TRIM16: variants seen among roughly 807,000 people sequenced by gnomAD.
The protein encoded by TRIM16 is tripartite motif-containing protein 16.
Under a neutral mutation model 50.4 loss-of-function variants are expected in TRIM16, and 33 were observed. The observed-to-expected ratio is 0.65, with a 90% CI of 0.50 to 0.88. The LOEUF (loss-of-function observed/expected upper bound fraction) is 0.88, where lower values mean the gene tolerates loss of function less well. Ranked by LOEUF, TRIM16 falls within the 40% of genes least tolerant of loss-of-function variation. TRIM16 has a pLI of 0.00. For synonymous variants in TRIM16, 229 were observed against 270.7 expected (o/e 0.85, Z 1.51); for missense variants, 581 against 686.8 (o/e 0.85, Z 1.72).
At chr17:15,680,634 A>G (rs1989147558) in intron 4 of TRIM16, among the ~76,000 whole-genome samples, 1 of 152,078 alleles carries the variant, frequency 6.6e-6, no homozygotes, top group Admixed American at 6.6e-5. Flanking sequence ...CCTGACCTTC[A>G]CTGCTACTGC....
chr17:15,637,280 C>T (rs1181239742), intron 8 of TRIM16, among the ~76,000 whole-genome samples: 7 of 111,896 alleles, frequency 6.3e-5, no homozygotes, highest in Admixed American at 8.3e-5. Context: ...CGCCTCTGCC[C>T]GGCCGCCCCT....
At position 15,643,719 on chromosome 17, in the gene TRIM16, AT is replaced by A. The variant is rs550224449; in HGVS notation, c.520-904del. Among the ~76,000 whole-genome samples, 61 of 152,242 alleles carry A rather than the reference AT, an allele frequency of 4.0e-4. 1 individual carries two copies. The highest frequency in any genetic ancestry group is 3.5e-3 in the Admixed American group (54 of 15,294). On this transcript the variant is annotated intron_variant, in intron 7 of 11. Coordinates refer to ENST00000649191, the MANE Select transcript of TRIM16 (RefSeq NM_001348119.1). ...CCTTTTGTCAACATAGGTAAACATG[AT>A]TATTATTTCAAAGGTACAGGTGATA...
rs1272072241 is a variant in TRIM16, at chr17:15,651,396, C to T, written c.214G>A (p.Gly72Arg). The T allele has an allele frequency of 6.2e-7, 1 of 1,614,212 alleles. No homozygotes were observed. Among genetic ancestry groups the T allele is most frequent in the African/African-American group, 1.3e-5 (1 of 75,056 alleles). The change falls in exon 7 of 12, where the codon GGG becomes AGG. Residue 72 changes from glycine to arginine, a missense_variant. Around this residue, in one of 3 missense-constraint regions of TRIM16, gnomAD observed 450 missense variants for 544.3 expected, o/e 0.83. Coordinates refer to ENST00000649191, the MANE Select transcript of TRIM16 (RefSeq NM_001348119.1). ...CAGAAGTCACACAGGACCTCTTTCC[C>T]CTCACCAGCAGGATCCCCCTGCTCT... Reference protein sequence around the residue: ...SAEQGDPAGEGKEVLCDFCLD... With the variant: ...SAEQGDPAGERKEVLCDFCLD...
Position 15,683,103 on chromosome 17 carries a change from C to T in TRIM16, c.-844G>A, listed in dbSNP as rs1989248586. The T allele has an allele frequency of 6.4e-7, 1 of 1,550,606 alleles. No homozygotes were observed. Among genetic ancestry groups the T allele is most frequent in the Non-Finnish European group, 8.7e-7 (1 of 1,146,990 alleles). ...CCTTTGCTTCACTATTTGGGTGTAG[C>T]AACCTTTCCGTTCTCCACGTATCTT... On this transcript the variant is annotated 5_prime_UTR_variant, in exon 2 of 12. Coordinates refer to ENST00000649191, the MANE Select transcript of TRIM16 (RefSeq NM_001348119.1).
chr17:15,630,834 C>CAT (rs1262126691), intron 11 of TRIM16, among the ~76,000 whole-genome samples: 2 of 149,774 alleles, frequency 1.3e-5, no homozygotes, highest in South Asian at 2.2e-4. Context: ...TACATACATA[C>CAT]ATATATATAT....
chr17:15,640,281 G>C (rs1226221393), intron 8 of TRIM16, among the ~76,000 whole-genome samples: 1 of 147,976 alleles, frequency 6.8e-6, no homozygotes, highest in Non-Finnish European at 1.5e-5. Context: ...AGGATGAGCT[G>C]GGGAGGTACA....
intron 6 of TRIM16, among the ~76,000 whole-genome samples, chr17:15,652,447 G>T (rs1477676595): frequency 7.4e-6 from 1 of 134,328 alleles, no homozygotes; most frequent in African/African-American, 2.9e-5. Flanking sequence ...GTGAGCCACG[G>T]TGCCCACCTT....
Position 15,638,716 on chromosome 17 carries a change from G to A in TRIM16, c.616-2447C>T, listed in dbSNP as rs528632209. On this transcript the variant is annotated intron_variant, in intron 8 of 11. Coordinates refer to ENST00000649191, the MANE Select transcript of TRIM16 (RefSeq NM_001348119.1). ...TCCCTGGCAAGGAAGGAGAGAGGGAGAGAGGGAGGGAGAATGAGACCCAGA... is the reference window on the plus strand; with the variant it reads ...TCCCTGGCAAGGAAGGAGAGAGGGAAAGAGGGAGGGAGAATGAGACCCAGA... Among the ~76,000 whole-genome samples, 10 of 148,650 alleles carry A rather than the reference G, an allele frequency of 6.7e-5. 1 individual carries two copies. Among genetic ancestry groups the A allele is most frequent in the Non-Finnish European group, 1.3e-4 (9 of 67,024 alleles).
rs529700097 is a variant in TRIM16, at chr17:15,629,563, G to A, written c.1112-365C>T. Among the ~76,000 whole-genome samples the A allele has an allele frequency of 2.0e-5, 3 of 152,386 alleles. No individual in the cohort carries two copies. The South Asian group carries it at 6.2e-4, about 32-fold the overall frequency. On this transcript the variant is annotated intron_variant, in intron 11 of 11. Coordinates refer to ENST00000649191, the MANE Select transcript of TRIM16 (RefSeq NM_001348119.1). ...TGTTGGCAAGTGTTTGGGGAAGCAGGTACTCCTATACCCATATTTGATCCA... is the reference window on the plus strand; with the variant it reads ...TGTTGGCAAGTGTTTGGGGAAGCAGATACTCCTATACCCATATTTGATCCA...
At chr17:15,646,651 A>C (rs1987393130) in intron 7 of TRIM16, among the ~76,000 whole-genome samples, 1 of 147,082 alleles carries the variant, frequency 6.8e-6, no homozygotes, top group Non-Finnish European at 1.5e-5. Flanking sequence ...AAAGAGTGGC[A>C]GCCAGGTCAT....
intron 6 of TRIM16, among the ~76,000 whole-genome samples, chr17:15,660,874 G>T (rs373574103): frequency 0.014 from 1,967 of 144,480 alleles, 38 homozygotes; most frequent in African/African-American, 0.049. Flanking sequence ...CTCCAGCCTG[G>T]GCGACAGAGC....
Position 15,637,013 on chromosome 17 carries a change from T to C in TRIM16, c.616-744A>G, listed in dbSNP as rs1270423285. On this transcript the variant is annotated intron_variant, in intron 8 of 11. Transcript: ENST00000649191. ...CAAGTTCTGAAGGTTTCCTCTTCTC[T>C]GGTATTCTTAAGAATTGGTAGGAGC... 2.0e-5 allele frequency among the ~76,000 whole-genome samples: 3 copies of C among 149,094 alleles called. 1 individual carries two copies. The highest frequency in any genetic ancestry group is 7.4e-5 in the African/African-American group (3 of 40,438).
chr17:15,682,398 T>C (rs1275345455), intron 3 of TRIM16, among the ~76,000 whole-genome samples: 1 of 152,166 alleles, frequency 6.6e-6, no homozygotes, highest in Non-Finnish European at 1.5e-5. Flanking sequence ...CTTCCAGAAA[T>C]CAGAGGGCCT....
intron 11 of TRIM16, among the ~76,000 whole-genome samples, chr17:15,630,120 C>T (rs1218221905): frequency 1.3e-5 from 2 of 152,118 alleles, no homozygotes; most frequent in African/African-American, 4.8e-5. Flanking sequence ...TGACTCTCTC[C>T]CTTGATTACT....
In TRIM16 at chr17:15,628,419, A is replaced by T. The variant is rs1394894610; in HGVS notation, c.*196T>A. 1.7e-6 allele frequency: 1 copy of T among 581,176 alleles called. No individual in the cohort carries two copies. The highest frequency in any genetic ancestry group is 3.6e-5 in the Admixed American group (1 of 27,976). The allele number at this position is 581,176 out of a possible 1,614,324, so 36.0% of individuals were successfully genotyped here. On this transcript the variant is annotated 3_prime_UTR_variant, in exon 12 of 12. Transcript: ENST00000649191. ...GCGAGACTCCGTCTCAAAAAAAAAA[A>T]AAAGAATTACTGCAAACACATAGAG... is the stretch of plus-strand genomic sequence containing the variant.
At chr17:15,630,248 C>T (rs1986346271) in intron 11 of TRIM16, among the ~76,000 whole-genome samples, 1 of 152,058 alleles carries the variant, frequency 6.6e-6, no homozygotes, top group Non-Finnish European at 1.5e-5. Flanking sequence ...TGAATCCTAC[C>T]GATCCATTCA....
At chr17:15,675,201 A>G in intron 6 of TRIM16, among the ~76,000 whole-genome samples, 1 of 152,194 alleles carries the variant, frequency 6.6e-6, no homozygotes, top group Non-Finnish European at 1.5e-5. Flanking sequence ...GTGTTTCTTC[A>G]CTTGGATTTG....
intron 6 of TRIM16, among the ~76,000 whole-genome samples, chr17:15,669,749 A>C (rs1988647448): frequency 6.6e-6 from 1 of 152,274 alleles, no homozygotes; most frequent in Non-Finnish European, 1.5e-5. Context: ...GTGGGGATAT[A>C]CTGCCACAGT....
chr17:15,657,631 T>C (rs531880392), intron 6 of TRIM16, among the ~76,000 whole-genome samples: 16 of 152,358 alleles, frequency 1.1e-4, no homozygotes, highest in African/African-American at 3.8e-4. Context: ...AGTGAAATCA[T>C]ACAGTGTTTG....
Sources: gnomAD v4.1 joint callset for allele counts (sites outside exome capture counted in the v4.1 genomes callset) on GRCh38, gnomAD v4.1.1 for gene constraint, gnomAD v4.1.1 regional missense constraint, MANE v1.5 for transcripts, NCBI Gene and HGNC (gene_info 2026-07-23, HGNC 2026-07-21) for gene names.